Variants in ZNF680 observed in about 807,000 individuals in gnomAD.
ZNF680 encodes the protein hypothetical protein FLJ90430.
A neutral mutation model predicts 12.1 loss-of-function variants in ZNF680; 6 were observed. The observed-to-expected ratio is 0.49, with a 90% CI of 0.27 to 0.98. The LOEUF (loss-of-function observed/expected upper bound fraction) is 0.98, where lower values mean the gene tolerates loss of function less well. ZNF680 is among the 50% of genes least tolerant of loss of function. The probability of loss-of-function intolerance (pLI) is 0.12; values close to 1 mark genes in which losing one functional copy is unlikely to be tolerated. For missense variants in ZNF680, 561 were observed against 616.3 expected (o/e 0.91, Z 0.95); for synonymous variants, 170 against 199.3 (o/e 0.85, Z 1.24).
rs1584343882 is a variant in ZNF680, at chr7:64,521,026, TACACTTATA to T, written c.*126_*134del. 3 of 982,766 alleles carry T rather than the reference TACACTTATA, an allele frequency of 3.1e-6. No homozygotes were observed. In the East Asian group the frequency reaches 7.6e-5, roughly 25 times the overall value. 60.9% of individuals were successfully genotyped at this position (982,766 alleles called of 1,614,324 possible). The stretch of plus-strand genomic sequence containing the variant: ...ATTGGTTAAGTTTTGTCACATTCTT[TACACTTATA>T]AAGTTTTCTCCAATATAAATTATCT... On this transcript the variant is annotated 3_prime_UTR_variant, in exon 4 of 4. Coordinates refer to ENST00000309683, the MANE Select transcript of ZNF680 (RefSeq NM_178558.5).
At chr7:64,525,409 A>G (rs1791784881) in intron 3 of ZNF680, 1 of 152,192 alleles carries the variant, frequency 6.6e-6, no homozygotes, top group Non-Finnish European at 1.5e-5. Context: ...AAATATTCTA[A>G]CAACTATAAA....
the ZNF680 span, among the ~76,000 whole-genome samples, chr7:64,508,123 G>GTGTATATATATATA: frequency 1.7e-5 from 2 of 117,684 alleles, no homozygotes; most frequent in African/African-American, 8.4e-5. Flanking sequence ...ATTTTAAAAT[G>GTGTATATATATATA]TATATATATA....
intron 3 of ZNF680, among the ~76,000 whole-genome samples, chr7:64,524,147 A>ATT (rs35895081): frequency 4.2e-4 from 58 of 139,360 alleles, no homozygotes; most frequent in South Asian, 1.6e-3. Flanking sequence ...ACAAAGAAGA[A>ATT]TTTTTTTTTT....
chr7:64,553,808 A>G (rs950743845), intron 1 of ZNF680, among the ~76,000 whole-genome samples: 2 of 152,278 alleles, frequency 1.3e-5, no homozygotes, highest in South Asian at 4.1e-4. Context: ...GCTGGTCTCC[A>G]GCTCCTGACC....
At chr7:64,556,434 G>C (rs908829863) in intron 1 of ZNF680, among the ~76,000 whole-genome samples, 1 of 151,978 alleles carries the variant, frequency 6.6e-6, no homozygotes, top group East Asian at 1.9e-4. Context: ...TACAAACACA[G>C]ACTACAGAAC....
rs1304665851 is a variant in ZNF680, at chr7:64,520,137, T to TA, written c.*1023dup. On this transcript the variant is annotated 3_prime_UTR_variant, in exon 4 of 4. Transcript: ENST00000309683. Reference sequence around the variant, plus strand: ...CCACTTAGATTTTCATCATAAACCTTACATTTTAATGCCCATACTCTTCCA... The same window carrying TA: ...CCACTTAGATTTTCATCATAAACCTTAACATTTTAATGCCCATACTCTTCCA... The TA allele has an allele frequency of 6.6e-6, 1 of 151,676 alleles. No individual in the cohort carries two copies. Among genetic ancestry groups the TA allele is most frequent in the Non-Finnish European group, 1.5e-5 (1 of 67,646 alleles). 9.4% of individuals were successfully genotyped at this position (151,676 alleles called of 1,614,324 possible). A position where few individuals can be genotyped will look rare whatever the true frequency, so the allele number is the denominator to read the frequency against.
At chr7:64,501,427 A>G in the ZNF680 span, 4 of 1,053,014 alleles carry the variant, frequency 3.8e-6, no homozygotes, top group East Asian at 1.0e-4. Context: ...ACTGACCCAG[A>G]TAAAACAAAA....
intron 1 of ZNF680, among the ~76,000 whole-genome samples, chr7:64,559,900 A>T (rs1335243197): frequency 6.6e-6 from 1 of 152,162 alleles, no homozygotes; most frequent in Non-Finnish European, 1.5e-5. Flanking sequence ...TGTAGTAAAC[A>T]ATTATTCATT....
the ZNF680 span, among the ~76,000 whole-genome samples, chr7:64,510,919 A>T: frequency 1.0e-4 from 2 of 19,780 alleles, 1 homozygote; most frequent in East Asian, 1.8e-3. Flanking sequence ...CAAAAAAAAA[A>T]AATAAAAAAT....
At chr7:64,557,390 A>G (rs766796024) in intron 1 of ZNF680, among the ~76,000 whole-genome samples, 25 of 149,722 alleles carry the variant, frequency 1.7e-4, no homozygotes, top group Non-Finnish European at 2.8e-4. Context: ...CCCCGTCTCT[A>G]CTAAAAATAC....
At chr7:64,544,174 G>A in intron 2 of ZNF680, 132 bp downstream of exon 2, 1 of 1,352,490 alleles carries the variant, frequency 7.4e-7, no homozygotes, top group Non-Finnish European at 1.0e-6. Context: ...CATGGACAAA[G>A]CTCAAAGATT....
chr7:64,540,927 T>C (rs1786468692), intron 3 of ZNF680, among the ~76,000 whole-genome samples: 1 of 152,084 alleles, frequency 6.6e-6, no homozygotes, highest in African/African-American at 2.4e-5. Flanking sequence ...TAATTATAAA[T>C]AAAAGATTCT....
chr7:64,540,225 C>T (rs1031339228), intron 3 of ZNF680, among the ~76,000 whole-genome samples: 3 of 151,494 alleles, frequency 2.0e-5, no homozygotes, highest in Non-Finnish European at 4.4e-5. Flanking sequence ...TAAGCCATAA[C>T]CAAAATGGAG....
chr7:64,557,203 A>C (rs1231690049), intron 1 of ZNF680, among the ~76,000 whole-genome samples: 1 of 151,874 alleles, frequency 6.6e-6, no homozygotes, highest in African/African-American at 2.4e-5. Context: ...GTGAGCCAAG[A>C]TCGCGCCACT....
intron 1 of ZNF680, among the ~76,000 whole-genome samples, chr7:64,561,989 C>A (rs1197588675): frequency 1.3e-5 from 2 of 149,304 alleles, no homozygotes; most frequent in Non-Finnish European, 3.0e-5. Flanking sequence ...AATCCCAGCA[C>A]TTTGAGAGGC....
intron 1 of ZNF680, among the ~76,000 whole-genome samples, chr7:64,560,091 G>A (rs1159965472): frequency 6.7e-6 from 1 of 149,906 alleles, no homozygotes; most frequent in Non-Finnish European, 1.5e-5. Context: ...ATTTTCTGGT[G>A]GAAATGTATT....
intron 1 of ZNF680, among the ~76,000 whole-genome samples, chr7:64,554,299 C>T (rs1026309649): frequency 5.9e-5 from 9 of 151,850 alleles, no homozygotes; most frequent in Non-Finnish European, 1.2e-4. Flanking sequence ...AAGTGAGGAG[C>T]GTCTCTGACC....
intron 3 of ZNF680, among the ~76,000 whole-genome samples, chr7:64,523,462 TGACA>T (rs1024624902): frequency 2.6e-4 from 39 of 151,662 alleles, no homozygotes; most frequent in Non-Finnish European, 1.5e-5. Context: ...ACACCAAGGA[TGACA>T]GAGAGAAAAT....
At chr7:64,550,754 A>G (rs979880751) in intron 1 of ZNF680, among the ~76,000 whole-genome samples, 1 of 152,214 alleles carries the variant, frequency 6.6e-6, no homozygotes. Flanking sequence ...AAGCAGAGAA[A>G]CAATTCTGCC....
Sources: allele counts gnomAD v4.1 joint callset (sites outside exome capture counted in the v4.1 genomes callset), GRCh38; gene constraint gnomAD v4.1.1; transcripts MANE v1.5; gene names NCBI Gene and HGNC (gene_info 2026-07-23, HGNC 2026-07-21).